PDE1A: variants seen among roughly 807,000 people sequenced by gnomAD.
PDE1A encodes dual specificity calcium/calmodulin-dependent 3',5'-cyclic nucleotide phosphodiesterase 1A.
Under a neutral mutation model 61.7 loss-of-function variants are expected in PDE1A, and 35 were observed. That is an observed-to-expected ratio of 0.57 (90% CI 0.43 to 0.75). The LOEUF is 0.75. PDE1A is among the 30% of genes least tolerant of loss of function. PDE1A has a pLI of 0.00. For missense variants in PDE1A, 597 were observed against 630.6 expected, an observed-to-expected ratio of 0.95 and a Z score of 0.57; for synonymous variants, 232 against 213.2, an observed-to-expected ratio of 1.09 and a Z score of -0.77.
At chr2:182,505,419 C>T (rs1689343624) in intron 2 of PDE1A, among the ~76,000 whole-genome samples, 1 of 152,066 alleles carries the variant, frequency 6.6e-6, no homozygotes, top group Non-Finnish European at 1.5e-5. Context: ...CATTGTTTCC[C>T]ACATAGATAT....
chr2:182,649,734 C>T, the PDE1A span, among the ~76,000 whole-genome samples: 1 of 151,996 alleles, frequency 6.6e-6, no homozygotes. Flanking sequence ...CTCAGCCTCC[C>T]AAGTAGCTGG....
upstream of PDE1A, among the ~76,000 whole-genome samples, chr2:182,430,337 C>A (rs1346831496): frequency 8.6e-6 from 1 of 116,400 alleles, no homozygotes; most frequent in South Asian, 3.3e-4. Context: ...ATTTATGCAG[C>A]CAAAAAACAC....
intron 2 of PDE1A, among the ~76,000 whole-genome samples, chr2:182,496,578 G>T (rs1688727603): frequency 6.6e-6 from 1 of 152,228 alleles, no homozygotes; most frequent in Non-Finnish European, 1.5e-5. Context: ...CTTCTAACGT[G>T]AATTAGGTAC....
chr2:182,560,428 G>A, the PDE1A span, among the ~76,000 whole-genome samples: 46 of 151,524 alleles, frequency 3.0e-4, no homozygotes, highest in Admixed American at 2.7e-3. Context: ...ATTCCATGGT[G>A]TATATGTGCC....
In PDE1A at chr2:182,467,074, G is replaced by A. The variant is rs566820657; in HGVS notation, c.101+55202C>T. Among the ~76,000 whole-genome samples, 4 of 150,258 alleles carry A rather than the reference G, an allele frequency of 2.7e-5. No individual in the cohort carries two copies. In the East Asian group the frequency reaches 7.9e-4, roughly 30 times the overall value. On this transcript the variant is annotated intron_variant, in intron 2 of 14. Transcript: ENST00000410103. Reference sequence around the variant, plus strand: ...TCTTGGGAAGGAGAAAGAAAGAAAAGGAAGGGATAAAGGAAAAGAAAAGAT... The same window carrying A: ...TCTTGGGAAGGAGAAAGAAAGAAAAAGAAGGGATAAAGGAAAAGAAAAGAT...
At chr2:182,532,459 A>T in the PDE1A span, among the ~76,000 whole-genome samples, 1 of 152,188 alleles carries the variant, frequency 6.6e-6, no homozygotes, top group East Asian at 1.9e-4. Flanking sequence ...TTCCGATTAT[A>T]TGAAATGCAG....
chr2:182,417,248 T>C (rs1296096585), intron 1 of PDE1A, among the ~76,000 whole-genome samples: 2 of 152,232 alleles, frequency 1.3e-5, no homozygotes, highest in Non-Finnish European at 2.9e-5. Context: ...CTTCTTCCAG[T>C]TGCCTGTCAG....
At chr2:182,282,754 G>A (rs1693896241) in intron 1 of PDE1A, among the ~76,000 whole-genome samples, 1 of 151,780 alleles carries the variant, frequency 6.6e-6, no homozygotes, top group African/African-American at 2.4e-5. Context: ...TAAATATATA[G>A]TCTACATGCA....
chr2:182,191,671 A>G (rs1390594038), intron 10 of PDE1A, among the ~76,000 whole-genome samples: 1 of 149,758 alleles, frequency 6.7e-6, no homozygotes, highest in Non-Finnish European at 1.5e-5. Flanking sequence ...ATAAGATTGT[A>G]TCTATTAAAT....
Position 182,432,909 on chromosome 2 carries a change from T to C in PDE1A, c.101+89367A>G, listed in dbSNP as rs562649608. 2.2e-4 allele frequency among the ~76,000 whole-genome samples: 33 copies of C among 152,190 alleles called. 1 individual carries two copies. Among genetic ancestry groups the C allele is most frequent in the African/African-American group, 7.9e-4 (33 of 41,550 alleles). ...CTACAGCTAAAATCCAGGGCTTCTC[T>C]GATCAATTGCCTCAGTTTGGGAACC... is the stretch of plus-strand genomic sequence containing the variant. On this transcript the variant is annotated intron_variant, in intron 2 of 14. Transcript: ENST00000410103.
chr2:182,678,150 C>T, the PDE1A span, among the ~76,000 whole-genome samples: 4 of 152,270 alleles, frequency 2.6e-5, no homozygotes, highest in South Asian at 2.1e-4. Flanking sequence ...TATGGCTGGG[C>T]GCAGTGGCTC....
chr2:182,181,238 A>G (rs1406168199), intron 13 of PDE1A, among the ~76,000 whole-genome samples: 2 of 152,030 alleles, frequency 1.3e-5, no homozygotes, highest in African/African-American at 4.8e-5. Flanking sequence ...TCTACCTTTG[A>G]TCTTTGAAGC....
At chr2:182,699,003 A>G in the PDE1A span, among the ~76,000 whole-genome samples, 1 of 152,222 alleles carries the variant, frequency 6.6e-6, no homozygotes. Context: ...TAACATGAGG[A>G]TCAGGCAGTA....
the PDE1A span, among the ~76,000 whole-genome samples, chr2:182,530,336 AGAT>A: frequency 4.8e-4 from 1 of 2,086 alleles, no homozygotes; most frequent in Non-Finnish European, 7.3e-4. Context: ...AAAAGATGCC[AGAT>A]GAAAAGCAGG....
the PDE1A span, among the ~76,000 whole-genome samples, chr2:182,552,229 A>G: frequency 9.9e-5 from 15 of 152,228 alleles, no homozygotes; most frequent in East Asian, 2.9e-3. Flanking sequence ...CCAAACCTAT[A>G]ACATATCTTT....
intron 1 of PDE1A, among the ~76,000 whole-genome samples, chr2:182,380,410 C>A (rs947680986): frequency 6.6e-6 from 1 of 151,780 alleles, no homozygotes; most frequent in African/African-American, 2.4e-5. Context: ...CCGCACCCAG[C>A]CCCAGCTCCT....
At chr2:182,179,579 G>C (rs1684571780) in intron 13 of PDE1A, among the ~76,000 whole-genome samples, 1 of 152,092 alleles carries the variant, frequency 6.6e-6, no homozygotes, top group Admixed American at 6.6e-5. Flanking sequence ...AGAATTCCAA[G>C]GGCATGGCAA....
chr2:182,333,615 A>C (rs1166989681), intron 1 of PDE1A, among the ~76,000 whole-genome samples: 1 of 152,230 alleles, frequency 6.6e-6, no homozygotes, highest in Admixed American at 6.5e-5. Context: ...CTAGGTGCCC[A>C]CAAGAGAAAG....
the PDE1A span, among the ~76,000 whole-genome samples, chr2:182,644,629 C>A: frequency 2.0e-5 from 3 of 152,040 alleles, no homozygotes; most frequent in Non-Finnish European, 2.9e-5. Flanking sequence ...AATACTGTGA[C>A]CTTTGGCAAG....
Sources: allele counts gnomAD v4.1 joint callset (sites outside exome capture counted in the v4.1 genomes callset), GRCh38; gene constraint gnomAD v4.1.1; transcripts MANE v1.5; gene names NCBI Gene and HGNC (gene_info 2026-07-23, HGNC 2026-07-21).